Variants in KCNN3 observed in about 807,000 individuals in gnomAD.
The protein encoded by KCNN3 is potassium calcium-activated channel subfamily N member 3.
A neutral mutation model predicts 62.9 loss-of-function variants in KCNN3; 16 were observed. The ratio of observed to expected loss-of-function variants is 0.25; its 90% CI spans 0.17 to 0.39. The LOEUF is 0.39. Ranked by LOEUF, KCNN3 falls within the 10% of genes least tolerant of loss-of-function variation. KCNN3 has a pLI of 1.00. For missense variants in KCNN3, 599 were observed against 949.4 expected (o/e 0.63, Z 4.85); for synonymous variants, 370 against 389.2 (o/e 0.95, Z 0.58).
chr1:154,771,021 C>A (rs561050893), intron 3 of KCNN3, among the ~76,000 whole-genome samples: 11 of 151,674 alleles, frequency 7.3e-5, no homozygotes, highest in African/African-American at 2.7e-4. Flanking sequence ...TATGCCACTG[C>A]ACTCCAGCCT....
At chr1:154,863,512 G>T (rs189123016) in intron 1 of KCNN3, among the ~76,000 whole-genome samples, 2 of 151,786 alleles carry the variant, frequency 1.3e-5, no homozygotes, top group South Asian at 2.1e-4. Flanking sequence ...CACAACCCCC[G>T]CACACACTCA....
intron 2 of KCNN3, among the ~76,000 whole-genome samples, chr1:154,784,924 C>T (rs1055541286): frequency 6.6e-6 from 1 of 151,142 alleles, no homozygotes; most frequent in Non-Finnish European, 1.5e-5. Context: ...GCTCTACAGC[C>T]AGGGCAGGCA....
chr1:154,758,954 C>T (rs1391381276), intron 3 of KCNN3, among the ~76,000 whole-genome samples: 1 of 152,028 alleles, frequency 6.6e-6, no homozygotes, highest in South Asian at 2.1e-4. Flanking sequence ...ATTACAGGCG[C>T]TCACCACCAC....
At chr1:154,770,528 C>T (rs772367131) in intron 3 of KCNN3, among the ~76,000 whole-genome samples, 1 of 152,090 alleles carries the variant, frequency 6.6e-6, no homozygotes, top group Non-Finnish European at 1.5e-5. Context: ...AAATTAAGGG[C>T]GACTACCAGG....
chr1:154,712,675 T>C (rs1700102326), intron 7 of KCNN3, among the ~76,000 whole-genome samples: 1 of 152,098 alleles, frequency 6.6e-6, no homozygotes, highest in East Asian at 1.9e-4. Flanking sequence ...GTACACTTAA[T>C]ATACAATTCC....
intron 1 of KCNN3, among the ~76,000 whole-genome samples, chr1:154,852,357 C>G (rs1652338206): frequency 6.7e-6 from 1 of 150,360 alleles, no homozygotes; most frequent in Admixed American, 6.6e-5. Context: ...GCATATGCCA[C>G]ACACCCAGCT....
chr1:154,756,935 A>G (rs1280883918), intron 3 of KCNN3, among the ~76,000 whole-genome samples: 3 of 152,304 alleles, frequency 2.0e-5, no homozygotes, highest in Non-Finnish European at 4.4e-5. Flanking sequence ...ACATAACAGT[A>G]TTATTATTTA....
chr1:154,714,062 GTGTGGT>G (rs1700137377), intron 6 of KCNN3, among the ~76,000 whole-genome samples: 2 of 20,310 alleles, frequency 9.8e-5, no homozygotes, highest in African/African-American at 2.0e-4. Context: ...GTGTGTGTGT[GTGTGGT>G]GTTTGTGTGT....
intron 2 of KCNN3, among the ~76,000 whole-genome samples, chr1:154,811,483 T>C (rs1039864290): frequency 6.6e-6 from 1 of 152,238 alleles, no homozygotes; most frequent in African/African-American, 2.4e-5. Flanking sequence ...GTGTTTTAAA[T>C]GAACAAGTCT....
At chr1:154,792,785 A>G (rs938889419) in intron 2 of KCNN3, among the ~76,000 whole-genome samples, 12 of 152,218 alleles carry the variant, frequency 7.9e-5, no homozygotes, top group Non-Finnish European at 7.3e-5. Flanking sequence ...GGATTGACCT[A>G]TATGGGCTCC....
rs1286612155 is a variant in KCNN3 at position 154,700,601 on chromosome 1, G to C, written c.*7375C>G. On this transcript the variant is annotated 3_prime_UTR_variant, in exon 8 of 8. Coordinates refer to ENST00000271915, the MANE Select transcript of KCNN3 (RefSeq NM_002249.6). ...GTGGATCACGAGGTCAGGAGATCGA[G>C]ACCATCCTGGTTAACATGATGAAAC... 6.6e-6 allele frequency: 1 copy of C among 152,202 alleles called. No individual in the cohort carries two copies. The highest frequency in any genetic ancestry group is 2.4e-5 in the African/African-American group (1 of 41,426). 9.4% of individuals were successfully genotyped at this position (152,202 alleles called of 1,614,324 possible).
intron 3 of KCNN3, among the ~76,000 whole-genome samples, chr1:154,751,540 C>G (rs1647380244): frequency 6.6e-6 from 1 of 152,200 alleles, no homozygotes; most frequent in Non-Finnish European, 1.5e-5. Context: ...GGCTCCTAAC[C>G]CAAGGCTTTT....
intron 3 of KCNN3, among the ~76,000 whole-genome samples, chr1:154,766,200 T>C (rs115251050): frequency 0.014 from 2,120 of 151,812 alleles, 47 homozygotes; most frequent in African/African-American, 0.049. Context: ...GCAGGGTTCC[T>C]GGGTCTAGCA....
At chr1:154,737,147 G>C (rs151023747) in intron 3 of KCNN3, 2 of 561,588 alleles carry the variant, frequency 3.6e-6, no homozygotes, top group Admixed American at 4.5e-5. Context: ...TTTTAGAGCG[G>C]TTTACACATG....
At chr1:154,766,806 A>C (rs1039066631) in intron 3 of KCNN3, among the ~76,000 whole-genome samples, 3 of 149,638 alleles carry the variant, frequency 2.0e-5, no homozygotes, top group African/African-American at 7.3e-5. Flanking sequence ...CAGCCTCCCG[A>C]GTAGCTGGGA....
intron 1 of KCNN3, chr1:154,868,321 C>T: frequency 2.0e-6 from 2 of 987,090 alleles, no homozygotes; most frequent in South Asian, 4.7e-5. Context: ...TGAGTCCTCT[C>T]TCCTGAGGGA....
intron 3 of KCNN3, among the ~76,000 whole-genome samples, chr1:154,764,346 G>A (rs887651514): frequency 6.6e-6 from 1 of 152,138 alleles, no homozygotes; most frequent in Non-Finnish European, 1.5e-5. Flanking sequence ...AAGGCTCTCA[G>A]GCTGGTGTTG....
At chr1:154,771,883 C>T (rs1648574524) in intron 3 of KCNN3, 92 bp downstream of exon 3, 3 of 1,285,330 alleles carry the variant, frequency 2.3e-6, no homozygotes, top group Non-Finnish European at 3.4e-6. Context: ...CCTGTCTCCT[C>T]CATCAGACCA....
intron 5 of KCNN3, among the ~76,000 whole-genome samples, chr1:154,723,652 A>G (rs923964097): frequency 1.3e-5 from 2 of 152,232 alleles, no homozygotes; most frequent in African/African-American, 4.8e-5. Flanking sequence ...AACACCAAAT[A>G]CAAAGAATAT....
Sources: allele counts gnomAD v4.1 joint callset (sites outside exome capture counted in the v4.1 genomes callset), GRCh38; gene constraint gnomAD v4.1.1; transcripts MANE v1.5; gene names NCBI Gene and HGNC (gene_info 2026-07-23, HGNC 2026-07-21).